PACRG: variants seen among roughly 807,000 people sequenced by gnomAD.
PACRG encodes parkin coregulated.
PACRG carries 29 observed loss-of-function variants against 29.7 expected under a neutral mutation model. The ratio of observed to expected loss-of-function variants is 0.98; its 90% confidence interval spans 0.73 to 1.33. PACRG has a LOEUF of 1.33. PACRG is among the 40% of genes most tolerant of loss of function. The pLI, the probability that PACRG is intolerant of heterozygous loss-of-function variation, is 0.00. For missense variants in PACRG, 279 were observed against 316.2 expected, an observed-to-expected ratio of 0.88 and a Z score of 0.89; for synonymous variants, 116 against 118.7, an observed-to-expected ratio of 0.98 and a Z score of 0.15.
At chr6:162,984,283 T>C (rs755724994) in intron 2 of PACRG, among the ~76,000 whole-genome samples, 27 of 152,086 alleles carry the variant, frequency 1.8e-4, no homozygotes, top group East Asian at 5.8e-4. Context: ...TGGTCTTCCA[T>C]TCCTGAATTA....
At chr6:162,919,064 G>A (rs1351189535) in intron 2 of PACRG, among the ~76,000 whole-genome samples, 2 of 152,176 alleles carry the variant, frequency 1.3e-5, no homozygotes, top group Non-Finnish European at 2.9e-5. Flanking sequence ...AAGGCAGAAA[G>A]GAGTTAGAGG....
intron 2 of PACRG, chr6:163,051,282 C>T (rs1809981946): frequency 6.6e-6 from 1 of 152,012 alleles, no homozygotes. Flanking sequence ...TGTCTATGCT[C>T]ATTGGTCTGT....
At chr6:163,280,935 G>T (rs1784205988) in intron 4 of PACRG, among the ~76,000 whole-genome samples, 1 of 152,104 alleles carries the variant, frequency 6.6e-6, no homozygotes, top group Non-Finnish European at 1.5e-5. Context: ...ACAACTTATG[G>T]CAGGAAATGA....
chr6:162,867,710 A>T (rs1223185382), intron 2 of PACRG, among the ~76,000 whole-genome samples: 2 of 152,190 alleles, frequency 1.3e-5, no homozygotes, highest in Non-Finnish European at 2.9e-5. Flanking sequence ...TCTCCCTGTG[A>T]CACAGACACA....
chr6:162,913,097 A>G (rs1227976306), intron 2 of PACRG, among the ~76,000 whole-genome samples: 1 of 152,184 alleles, frequency 6.6e-6, no homozygotes, highest in Admixed American at 6.5e-5. Context: ...GTGTGTTCAC[A>G]TTATGATTTT....
intron 1 of PACRG, among the ~76,000 whole-genome samples, chr6:162,745,857 A>C (rs1018517811): frequency 3.3e-5 from 5 of 152,168 alleles, no homozygotes; most frequent in African/African-American, 1.2e-4. Flanking sequence ...CCTAAACACA[A>C]ATTTAAGATA....
chr6:163,074,144 A>G (rs925893581), intron 3 of PACRG, among the ~76,000 whole-genome samples: 1 of 152,368 alleles, frequency 6.6e-6, no homozygotes, highest in African/African-American at 2.4e-5. Flanking sequence ...AGCACTATTC[A>G]CAATAACCAA....
At chr6:163,003,931 T>C (rs11963638) in intron 2 of PACRG, among the ~76,000 whole-genome samples, 3 of 152,050 alleles carry the variant, frequency 2.0e-5, no homozygotes, top group Non-Finnish European at 4.4e-5. Flanking sequence ...TTAGATCCAC[T>C]TGATCGCACT....
intron 2 of PACRG, among the ~76,000 whole-genome samples, chr6:163,011,072 C>A (rs1392720577): frequency 6.6e-6 from 1 of 152,046 alleles, no homozygotes; most frequent in Non-Finnish European, 1.5e-5. Flanking sequence ...AATTAGCTCA[C>A]CTCCCCTGGA....
intron 4 of PACRG, among the ~76,000 whole-genome samples, chr6:163,119,086 C>A (rs1816146338): frequency 6.6e-6 from 1 of 152,204 alleles, no homozygotes; most frequent in Non-Finnish European, 1.5e-5. Flanking sequence ...CAGGAAAATA[C>A]ATCCACAAGA....
intron 4 of PACRG, among the ~76,000 whole-genome samples, chr6:163,235,037 A>C (rs545650709): frequency 5.3e-5 from 8 of 152,328 alleles, no homozygotes; most frequent in African/African-American, 1.9e-4. Context: ...GAGCTCCATG[A>C]AACTGAAGGT....
intron 2 of PACRG, among the ~76,000 whole-genome samples, chr6:163,017,310 G>A (rs1418511132): frequency 6.6e-6 from 1 of 152,146 alleles, no homozygotes; most frequent in Non-Finnish European, 1.5e-5. Context: ...TATATAATCG[G>A]ATTTTTACTA....
chr6:162,886,392 G>T (rs896403440), intron 2 of PACRG, among the ~76,000 whole-genome samples: 1 of 151,996 alleles, frequency 6.6e-6, no homozygotes, highest in African/African-American at 2.4e-5. Flanking sequence ...CATTTATTCC[G>T]GGTTTTTCCT....
chr6:162,852,364 A>G (rs185974426), intron 2 of PACRG, among the ~76,000 whole-genome samples: 1 of 151,930 alleles, frequency 6.6e-6, no homozygotes, highest in Admixed American at 6.6e-5. Context: ...AGCACTACTG[A>G]CCCCCGGGGG....
chr6:163,191,840 T>A (rs1212410929), intron 4 of PACRG: 1 of 441,558 alleles, frequency 2.3e-6, no homozygotes, highest in Admixed American at 2.4e-5. Flanking sequence ...TTCATAGGAG[T>A]CCCTCCCAAT....
intron 2 of PACRG, among the ~76,000 whole-genome samples, chr6:162,994,571 G>A (rs542780362): frequency 3.3e-5 from 5 of 151,708 alleles, no homozygotes; most frequent in Admixed American, 2.0e-4. Flanking sequence ...CGTAGTTCTC[G>A]AGCCTTGGTT....
intron 2 of PACRG, among the ~76,000 whole-genome samples, chr6:163,015,749 G>T (rs192657593): frequency 4.4e-4 from 67 of 152,188 alleles, no homozygotes; most frequent in African/African-American, 1.4e-3. Context: ...CTTTTTGGTG[G>T]TGTCTTTAGG....
chr6:163,110,639 C>T (rs1378432085), intron 4 of PACRG, among the ~76,000 whole-genome samples: 1 of 152,176 alleles, frequency 6.6e-6, no homozygotes, highest in South Asian at 2.1e-4. Flanking sequence ...GCCAAAATAC[C>T]ATGGTGAGGG....
intron 1 of PACRG, among the ~76,000 whole-genome samples, chr6:162,766,553 T>A (rs1782808954): frequency 6.6e-6 from 1 of 152,218 alleles, no homozygotes. Flanking sequence ...TGATTTGAGA[T>A]CCTTTGTGTT....
Sources: allele counts gnomAD v4.1 joint callset (sites outside exome capture counted in the v4.1 genomes callset), GRCh38; gene constraint gnomAD v4.1.1; transcripts MANE v1.5; gene names NCBI Gene and HGNC (gene_info 2026-07-23, HGNC 2026-07-21).